Variants in PCDH9 observed in about 807,000 individuals in gnomAD.
PCDH9 encodes the protein protocadherin 9.
A neutral mutation model predicts 70.6 loss-of-function variants in PCDH9; 24 were observed. The ratio of observed to expected loss-of-function variants is 0.34; its 90% CI spans 0.25 to 0.48. PCDH9 has a LOEUF of 0.48. PCDH9 is among the 20% of genes least tolerant of loss of function. The probability of loss-of-function intolerance (pLI) is 0.99; values close to 1 mark genes in which losing one functional copy is unlikely to be tolerated. For missense variants in PCDH9, 1,281 were observed against 1,503.6 expected (o/e 0.85, Z 2.45); for synonymous variants, 562 against 558.5 (o/e 1.01, Z -0.09).
intron 3 of PCDH9, among the ~76,000 whole-genome samples, chr13:66,724,331 A>G (rs1488541626): frequency 3.9e-5 from 6 of 152,326 alleles, no homozygotes; most frequent in South Asian, 2.1e-4. Context: ...GAAAAAGCAT[A>G]GGGCTTAAAA....
intron 3 of PCDH9, among the ~76,000 whole-genome samples, chr13:66,869,154 T>C (rs905870973): frequency 1.6e-4 from 24 of 152,150 alleles, no homozygotes; most frequent in Non-Finnish European, 2.6e-4. Context: ...AAGATGTCCT[T>C]CATCACAGTT....
At chr13:67,208,121 C>A (rs1162546707) in intron 2 of PCDH9, 3 of 152,166 alleles carry the variant, frequency 2.0e-5, no homozygotes, top group Non-Finnish European at 4.4e-5. Flanking sequence ...TCTGACAATG[C>A]TCTATGAACT....
At chr13:66,496,693 A>G (rs927144412) in intron 4 of PCDH9, among the ~76,000 whole-genome samples, 1 of 152,182 alleles carries the variant, frequency 6.6e-6, no homozygotes. Context: ...ATAATTCCTC[A>G]GTCAGTTACA....
intron 4 of PCDH9, among the ~76,000 whole-genome samples, chr13:66,587,017 G>A (rs1019038768): frequency 7.2e-5 from 11 of 151,940 alleles, no homozygotes; most frequent in South Asian, 2.1e-4. Context: ...CTGCGAGTAC[G>A]GCACCCGTCA....
intron 4 of PCDH9, among the ~76,000 whole-genome samples, chr13:66,587,926 C>T (rs2076984889): frequency 6.6e-6 from 1 of 151,982 alleles, no homozygotes; most frequent in East Asian, 1.9e-4. Context: ...ACTTTCACAT[C>T]TTTAGTGGAC....
intron 3 of PCDH9, among the ~76,000 whole-genome samples, chr13:66,788,767 C>T (rs1566195097): frequency 6.7e-6 from 1 of 149,936 alleles, no homozygotes; most frequent in Non-Finnish European, 1.5e-5. Flanking sequence ...TATCCAGCTA[C>T]TATCCTCACA....
At chr13:66,980,357 C>T (rs2083717671) in intron 2 of PCDH9, among the ~76,000 whole-genome samples, 1 of 152,098 alleles carries the variant, frequency 6.6e-6, no homozygotes, top group African/African-American at 2.4e-5. Flanking sequence ...ACAAGACAAA[C>T]AAGGTAATCT....
At chr13:67,110,567 G>A (rs2086640137) in intron 2 of PCDH9, among the ~76,000 whole-genome samples, 1 of 149,222 alleles carries the variant, frequency 6.7e-6, no homozygotes, top group South Asian at 2.1e-4. Flanking sequence ...AACTACATAA[G>A]GGATCTGTGT....
At chr13:66,819,126 C>T (rs11840913) in intron 3 of PCDH9, among the ~76,000 whole-genome samples, 2,410 of 151,998 alleles carry the variant, frequency 0.016, 75 homozygotes, top group African/African-American at 0.055. Flanking sequence ...TCAGGTCCTC[C>T]AACTGAGCAT....
chr13:66,657,114 G>A (rs562562059), intron 3 of PCDH9, among the ~76,000 whole-genome samples: 2 of 152,190 alleles, frequency 1.3e-5, no homozygotes, highest in African/African-American at 4.8e-5. Context: ...AGCGTGGCTC[G>A]GGGTCCAGAA....
chr13:66,475,600 A>T (rs995552569), intron 4 of PCDH9, among the ~76,000 whole-genome samples: 1 of 151,896 alleles, frequency 6.6e-6, no homozygotes, highest in African/African-American at 2.4e-5. Context: ...ATATTTTCTT[A>T]TCTTTATCTT....
chr13:67,031,004 G>A (rs964999028), intron 2 of PCDH9, among the ~76,000 whole-genome samples: 3 of 152,122 alleles, frequency 2.0e-5, no homozygotes, highest in African/African-American at 7.2e-5. Flanking sequence ...AAAATGATGT[G>A]TTGAGAGTAA....
At chr13:66,429,508 T>C (rs1327991594) in intron 4 of PCDH9, among the ~76,000 whole-genome samples, 1 of 151,520 alleles carries the variant, frequency 6.6e-6, no homozygotes, top group African/African-American at 2.4e-5. Context: ...AGAACATTTA[T>C]GCCAGAATAA....
intron 3 of PCDH9, among the ~76,000 whole-genome samples, chr13:66,789,551 G>A (rs565285954): frequency 2.2e-4 from 34 of 151,622 alleles, no homozygotes; most frequent in Admixed American, 1.8e-3. Flanking sequence ...TCAGAATCTA[G>A]CTTTTATTTA....
At chr13:66,551,726 A>C (rs375831878) in intron 4 of PCDH9, among the ~76,000 whole-genome samples, 1 of 152,162 alleles carries the variant, frequency 6.6e-6, no homozygotes, top group African/African-American at 2.4e-5. Context: ...ATGGTCAGCT[A>C]TCAGTGTACA....
At chr13:66,376,038 A>C (rs1956741037) in intron 4 of PCDH9, among the ~76,000 whole-genome samples, 1 of 152,192 alleles carries the variant, frequency 6.6e-6, no homozygotes, top group African/African-American at 2.4e-5. Flanking sequence ...AAGTTAAACA[A>C]TTCAAAGTTT....
chr13:66,310,017 T>C (rs980740257), intron 4 of PCDH9, among the ~76,000 whole-genome samples: 2 of 152,010 alleles, frequency 1.3e-5, no homozygotes, highest in African/African-American at 4.8e-5. Flanking sequence ...ATTAAAATAA[T>C]CTATCATAAA....
intron 4 of PCDH9, among the ~76,000 whole-genome samples, chr13:66,321,719 T>G (rs1455135714): frequency 6.6e-6 from 1 of 152,044 alleles, no homozygotes; most frequent in Non-Finnish European, 1.5e-5. Context: ...AAATTCTAAT[T>G]GCTCATGCCA....
intron 3 of PCDH9, among the ~76,000 whole-genome samples, chr13:66,800,205 T>G (rs2080303929): frequency 6.6e-6 from 1 of 152,102 alleles, no homozygotes; most frequent in Non-Finnish European, 1.5e-5. Context: ...CCCTTCTATC[T>G]ATTCCCTGTA....
Sources: allele counts gnomAD v4.1 joint callset (sites outside exome capture counted in the v4.1 genomes callset), GRCh38; gene constraint gnomAD v4.1.1; transcripts MANE v1.5; gene names NCBI Gene and HGNC (gene_info 2026-07-23, HGNC 2026-07-21).